SORCS3: variants seen among roughly 807,000 people sequenced by gnomAD.
SORCS3 encodes the protein sortilin related VPS10 domain containing receptor 3.
Under a neutral mutation model 146.3 loss-of-function variants are expected in SORCS3, and 57 were observed. That is an observed-to-expected ratio of 0.39 (90% CI 0.31 to 0.49). SORCS3 has a LOEUF of 0.49. Ranked by LOEUF, SORCS3 falls within the 20% of genes least tolerant of loss-of-function variation. SORCS3 has a pLI of 0.92. For synonymous variants in SORCS3, 653 were observed against 618.5 expected (o/e 1.06, Z -0.83); for missense variants, 1,341 against 1,575.5 (o/e 0.85, Z 2.52).
chr10:104,837,419 CTGTG>C (rs913524259), intron 1 of SORCS3, among the ~76,000 whole-genome samples: 1 of 152,194 alleles, frequency 6.6e-6, no homozygotes, highest in African/African-American at 2.4e-5. Flanking sequence ...GCTATTCTCT[CTGTG>C]TGTATGTCTG....
At chr10:104,884,397 T>C (rs2018661223) in intron 2 of SORCS3, among the ~76,000 whole-genome samples, 1 of 152,176 alleles carries the variant, frequency 6.6e-6, no homozygotes. Flanking sequence ...CTAGGATCTA[T>C]GATATAAAAA....
chr10:105,149,599 A>G (rs536786949), intron 9 of SORCS3, among the ~76,000 whole-genome samples: 1 of 152,306 alleles, frequency 6.6e-6, no homozygotes, highest in East Asian at 1.9e-4. Flanking sequence ...GACTGAGGCC[A>G]TTCCAAGTTC....
intron 7 of SORCS3, among the ~76,000 whole-genome samples, chr10:105,130,301 C>A (rs1206638416): frequency 6.6e-6 from 1 of 152,112 alleles, no homozygotes; most frequent in South Asian, 2.1e-4. Context: ...CAATTGGAAA[C>A]TGATTGAGTC....
rs538099765 is a variant in SORCS3, at chr10:104,682,792, T to C, written c.627+40838T>C. ...CCTGCGTTAGGAAACTTGGAGGCTG[T>C]GGGTCTGGTACCAGGAGGAAGGTTG... On this transcript the variant is annotated intron_variant, in intron 1 of 26. Transcript: ENST00000369701. Among the ~76,000 whole-genome samples the C allele has an allele frequency of 7.0e-4, 107 of 152,318 alleles. No individual in the cohort carries two copies. The South Asian group carries it at 0.012, about 18-fold the overall frequency.
intron 1 of SORCS3, among the ~76,000 whole-genome samples, chr10:104,800,444 C>T (rs931774558): frequency 3.9e-5 from 6 of 152,072 alleles, no homozygotes; most frequent in African/African-American, 1.4e-4. Flanking sequence ...AGAATGCACA[C>T]CTCTAAGGGT....
At chr10:105,010,189 A>T (rs2055125728) in intron 4 of SORCS3, among the ~76,000 whole-genome samples, 1 of 152,178 alleles carries the variant, frequency 6.6e-6, no homozygotes, top group African/African-American at 2.4e-5. Context: ...TGTACTCCAC[A>T]AGATCCTTAA....
chr10:105,174,810 G>C (rs2056386583), intron 13 of SORCS3, among the ~76,000 whole-genome samples: 1 of 152,104 alleles, frequency 6.6e-6, no homozygotes, highest in South Asian at 2.1e-4. Context: ...GCAGGACCTT[G>C]ATCATCTACA....
chr10:105,119,116 C>T (rs1462821261), intron 7 of SORCS3, among the ~76,000 whole-genome samples: 1 of 152,164 alleles, frequency 6.6e-6, no homozygotes, highest in East Asian at 1.9e-4. Context: ...CTGTGTGCAG[C>T]CTGGAAACTT....
Position 105,162,032 on chromosome 10 carries a change from A to G in SORCS3, c.1733-2271A>G, listed in dbSNP as rs1171823886. On this transcript the variant is annotated intron_variant, in intron 11 of 26. Coordinates refer to ENST00000369701, the MANE Select transcript of SORCS3 (RefSeq NM_014978.3). Reference sequence around the variant, plus strand: ...GCCCCTGCAGGGGCAAGTTGCTTGTATACTGTCAGCTTCCTCCCCAACTGA... The same window carrying G: ...GCCCCTGCAGGGGCAAGTTGCTTGTGTACTGTCAGCTTCCTCCCCAACTGA... 3.9e-5 allele frequency among the ~76,000 whole-genome samples: 6 copies of G among 152,092 alleles called. 1 individual carries two copies. The highest frequency in any genetic ancestry group is 7.4e-5 in the Non-Finnish European group (5 of 68,002).
intron 3 of SORCS3, among the ~76,000 whole-genome samples, chr10:104,964,272 T>G (rs919979389): frequency 6.6e-6 from 1 of 152,194 alleles, no homozygotes; most frequent in African/African-American, 2.4e-5. Context: ...TTTCCAACAC[T>G]CTACGTTGTT....
intron 1 of SORCS3, among the ~76,000 whole-genome samples, chr10:104,785,902 G>A (rs1053624048): frequency 6.6e-6 from 1 of 152,222 alleles, no homozygotes; most frequent in African/African-American, 2.4e-5. Flanking sequence ...GCATGCACAC[G>A]ATTTTACATA....
At chr10:105,239,377 A>G (rs2056810477) in intron 20 of SORCS3, among the ~76,000 whole-genome samples, 1 of 152,214 alleles carries the variant, frequency 6.6e-6, no homozygotes. Context: ...AGTTGCAGAG[A>G]TTTTAAAGTG....
At chr10:104,829,127 T>C (rs1249604870) in intron 1 of SORCS3, among the ~76,000 whole-genome samples, 2 of 152,228 alleles carry the variant, frequency 1.3e-5, no homozygotes, top group Admixed American at 1.3e-4. Flanking sequence ...TATATCTCTG[T>C]TGATTAATAG....
At chr10:105,147,836 CTT>C in intron 9 of SORCS3, 40 bp downstream of exon 9, 1 of 1,552,670 alleles carries the variant, frequency 6.4e-7, no homozygotes, top group Non-Finnish European at 8.8e-7. Flanking sequence ...GTCTGTCTCT[CTT>C]TTTCCTGAGT....
At chr10:105,087,693 C>A (rs1423344940) in intron 5 of SORCS3, among the ~76,000 whole-genome samples, 1 of 152,012 alleles carries the variant, frequency 6.6e-6, no homozygotes, top group Non-Finnish European at 1.5e-5. Context: ...ACATAGGTCC[C>A]AATGGTTCAA....
At chr10:104,737,572 GTCT>G (rs1372753417) in intron 1 of SORCS3, among the ~76,000 whole-genome samples, 1 of 152,072 alleles carries the variant, frequency 6.6e-6, no homozygotes, top group Admixed American at 6.5e-5. Flanking sequence ...CTGCATAAAT[GTCT>G]TCTTTTGAGA....
intron 2 of SORCS3, among the ~76,000 whole-genome samples, chr10:104,850,001 G>T (rs1488269714): frequency 6.6e-6 from 1 of 152,184 alleles, no homozygotes; most frequent in East Asian, 1.9e-4. Context: ...CTGATTTGGG[G>T]CACAGGATGC....
chr10:105,099,198 G>A (rs535696126), intron 6 of SORCS3, among the ~76,000 whole-genome samples: 2 of 152,266 alleles, frequency 1.3e-5, no homozygotes, highest in Non-Finnish European at 2.9e-5. Flanking sequence ...GAGTTACCTT[G>A]AATCTGCTTG....
intron 1 of SORCS3, among the ~76,000 whole-genome samples, chr10:104,667,058 A>G (rs1366138708): frequency 6.6e-6 from 1 of 151,876 alleles, no homozygotes; most frequent in Non-Finnish European, 1.5e-5. Context: ...CAAGTTAATA[A>G]CATATACATA....
Sources: gnomAD v4.1 joint callset for allele counts (sites outside exome capture counted in the v4.1 genomes callset) on GRCh38, gnomAD v4.1.1 for gene constraint, MANE v1.5 for transcripts, NCBI Gene and HGNC (gene_info 2026-07-23, HGNC 2026-07-21) for gene names.